The following SLCO1A2 variants were observed in gnomAD, a reference collection of about 807,000 sequenced individuals.
The protein encoded by SLCO1A2 is OATP-1.
SLCO1A2 carries 67 observed loss-of-function variants against 69.0 expected under a neutral mutation model. The observed-to-expected ratio is 0.97, with a 90% CI of 0.80 to 1.19. SLCO1A2 has a LOEUF of 1.19. SLCO1A2 is among the 50% of genes most tolerant of loss of function. The pLI, the probability that SLCO1A2 is intolerant of heterozygous loss-of-function variation, is 0.00. For missense variants in SLCO1A2, 787 were observed against 793.7 expected, an observed-to-expected ratio of 0.99 and a Z score of 0.10; for synonymous variants, 260 against 265.9, an observed-to-expected ratio of 0.98 and a Z score of 0.22.
intron 3 of SLCO1A2, among the ~76,000 whole-genome samples, chr12:21,315,696 C>T (rs980407420): frequency 5.9e-5 from 9 of 152,116 alleles, no homozygotes; most frequent in Non-Finnish European, 1.2e-4. Flanking sequence ...AGCGCCCCAC[C>T]GCAATAACTA....
chr12:21,273,657 T>TAA (rs1259617936), intron 14 of SLCO1A2, among the ~76,000 whole-genome samples: 4 of 152,106 alleles, frequency 2.6e-5, no homozygotes, highest in Admixed American at 6.6e-5. Context: ...TCAACTGTGG[T>TAA]AGAAATCCAC....
chr12:21,391,236 G>C (rs779940801), intron 1 of SLCO1A2, among the ~76,000 whole-genome samples: 5 of 152,064 alleles, frequency 3.3e-5, no homozygotes, highest in Non-Finnish European at 7.4e-5. Context: ...ATTACTATAA[G>C]TGATGAATTC....
At chr12:21,337,550 T>C (rs2306229), upstream of SLCO1A2, among the ~76,000 whole-genome samples, 56,427 of 151,522 alleles carry the variant, frequency 0.37, 11,235 homozygotes, top group African/African-American at 0.52. Context: ...AAATTTACAC[T>C]AGCAAAAATC....
chr12:21,370,729 A>G (rs2137083011), intron 2 of SLCO1A2, among the ~76,000 whole-genome samples: 1 of 152,196 alleles, frequency 6.6e-6, no homozygotes, highest in East Asian at 1.9e-4. Context: ...ATTTTTGTCT[A>G]AATGAACACT....
At chr12:21,320,552 G>A (rs1203557265) in intron 2 of SLCO1A2, among the ~76,000 whole-genome samples, 3 of 152,102 alleles carry the variant, frequency 2.0e-5, no homozygotes, top group African/African-American at 7.2e-5. Context: ...AGGCTGGAGT[G>A]CAGTGGCATA....
At chr12:21,326,770 T>C (rs910300531) in intron 2 of SLCO1A2, among the ~76,000 whole-genome samples, 3 of 152,194 alleles carry the variant, frequency 2.0e-5, no homozygotes, top group Non-Finnish European at 4.4e-5. Flanking sequence ...TGGGTGCTCT[T>C]AAGAGCATTC....
upstream of SLCO1A2, chr12:21,419,245 T>G (rs560737192): frequency 6.3e-6 from 1 of 158,356 alleles, no homozygotes; most frequent in African/African-American, 2.4e-5. Context: ...ACAGCTCCGG[T>G]CTACAGCTCC....
chr12:21,340,214 T>G (rs940327737), intron 2 of SLCO1A2, among the ~76,000 whole-genome samples: 3 of 152,034 alleles, frequency 2.0e-5, no homozygotes, highest in Admixed American at 6.6e-5. Flanking sequence ...CCAACCTGCA[T>G]ACATTAACTA....
chr12:21,314,039 A>C (rs1258209849), intron 4 of SLCO1A2, among the ~76,000 whole-genome samples: 3 of 151,938 alleles, frequency 2.0e-5, no homozygotes, highest in Admixed American at 1.3e-4. Flanking sequence ...AGAAAGAGCT[A>C]AAAGTTATAA....
intron 12 of SLCO1A2, among the ~76,000 whole-genome samples, chr12:21,281,343 A>G (rs1157322383): frequency 2.0e-5 from 3 of 151,968 alleles, no homozygotes; most frequent in Admixed American, 1.3e-4. Context: ...CCAACTTCTC[A>G]GGAGGCTGAG....
intron 4 of SLCO1A2, among the ~76,000 whole-genome samples, chr12:21,313,841 T>A (rs1045481994): frequency 6.6e-6 from 1 of 151,940 alleles, no homozygotes; most frequent in African/African-American, 2.4e-5. Context: ...ATGGTACCTG[T>A]AGTCCCAGCT....
intron 1 of SLCO1A2, among the ~76,000 whole-genome samples, chr12:21,390,061 T>TA (rs1254066863): frequency 1.3e-5 from 2 of 151,908 alleles, no homozygotes; most frequent in Non-Finnish European, 2.9e-5. Context: ...TGTATACTGT[T>TA]ACGCTAGATC....
At chr12:21,417,818 A>G (rs1410224552) in intron 1 of SLCO1A2, 1 of 152,188 alleles carries the variant, frequency 6.6e-6, no homozygotes, top group Non-Finnish European at 1.5e-5. Flanking sequence ...TTAGAAAAAT[A>G]TAATGTACAT....
Position 21,266,302 on chromosome 12 carries a change from A to T in SLCO1A2, c.*3246T>A, listed in dbSNP as rs1942060952. 1 of 152,038 alleles carries T rather than the reference A, an allele frequency of 6.6e-6. No individual in the cohort carries two copies. The highest frequency in any genetic ancestry group is 2.4e-5 in the African/African-American group (1 of 41,392). The allele number at this position is 152,038 out of a possible 1,614,324, so 9.4% of individuals were successfully genotyped here. A position where few individuals can be genotyped will look rare whatever the true frequency, so the allele number is the denominator to read the frequency against. On this transcript the variant is annotated 3_prime_UTR_variant, in exon 15 of 15. Transcript: ENST00000683939. ...ATTTCCACGGAAAATCCCACTTCAG[A>T]CTCTACTCCTTGTTGAACTGATTTG...
intron 14 of SLCO1A2, 41 bp from the exon 15 acceptor site, chr12:21,269,808 T>C (rs1282814680): frequency 6.7e-7 from 1 of 1,497,768 alleles, no homozygotes; most frequent in African/African-American, 1.4e-5. Flanking sequence ...TATTACATAG[T>C]GTGGTTAGTG....
chr12:21,413,386 C>T (rs1288475932), intron 1 of SLCO1A2, among the ~76,000 whole-genome samples: 2 of 151,476 alleles, frequency 1.3e-5, no homozygotes, highest in Admixed American at 6.6e-5. Flanking sequence ...GGACTACAGG[C>T]GCGCGCCACC....
chr12:21,322,199 A>G (rs1235971438), intron 2 of SLCO1A2, among the ~76,000 whole-genome samples: 2 of 152,226 alleles, frequency 1.3e-5, no homozygotes, highest in Non-Finnish European at 2.9e-5. Context: ...TCATAGTTCC[A>G]AAGACTGGAA....
intron 1 of SLCO1A2, among the ~76,000 whole-genome samples, chr12:21,403,911 C>T (rs1053133314): frequency 1.3e-5 from 2 of 151,956 alleles, no homozygotes; most frequent in African/African-American, 4.8e-5. Flanking sequence ...TGTTAATGTA[C>T]TCATTGAGTA....
intron 12 of SLCO1A2, among the ~76,000 whole-genome samples, chr12:21,283,096 A>G (rs1945107086): frequency 6.6e-6 from 1 of 152,184 alleles, no homozygotes; most frequent in South Asian, 2.1e-4. Flanking sequence ...ACCACAAAAG[A>G]TCCAGGATAG....
Sources: gnomAD v4.1 joint callset for allele counts (sites outside exome capture counted in the v4.1 genomes callset) on GRCh38, gnomAD v4.1.1 for gene constraint, MANE v1.5 for transcripts, NCBI Gene and HGNC (gene_info 2026-07-23, HGNC 2026-07-21) for gene names.